The following TMPRSS15 variants were observed in gnomAD, a reference collection of about 807,000 sequenced individuals.
TMPRSS15 encodes the protein transmembrane serine protease 15.
TMPRSS15 carries 128 observed loss-of-function variants against 125.3 expected under a neutral mutation model. The observed-to-expected ratio is 1.02, with a 90% CI of 0.89 to 1.18. The LOEUF is 1.18. Among genes scored for constraint, TMPRSS15 ranks in the 50% most tolerant of loss-of-function variants. The pLI is 0.00. For missense variants in TMPRSS15, 1,283 were observed against 1,212.7 expected, an observed-to-expected ratio of 1.06 and a Z score of -0.86; for synonymous variants, 446 against 423.2, an observed-to-expected ratio of 1.05 and a Z score of -0.66.
chr21:18,484,734 G>A (rs1979047026), intron 1 of TMPRSS15, among the ~76,000 whole-genome samples: 1 of 151,700 alleles, frequency 6.6e-6, no homozygotes, highest in Non-Finnish European at 1.5e-5. Context: ...ATATATGGGT[G>A]AATCTGTTTC....
chr21:18,442,773 T>G (rs2076245358), intron 1 of TMPRSS15, among the ~76,000 whole-genome samples: 1 of 152,232 alleles, frequency 6.6e-6, no homozygotes, highest in Non-Finnish European at 1.5e-5. Context: ...CCTCAAACTT[T>G]TATTATGATG....
intron 21 of TMPRSS15, among the ~76,000 whole-genome samples, chr21:18,288,619 C>T (rs913874030): frequency 7.2e-6 from 1 of 139,636 alleles, no homozygotes; most frequent in Non-Finnish European, 1.5e-5. Context: ...CGGCTCACCA[C>T]AACCTTCGCC....
At chr21:18,463,526 G>T (rs576051225) in intron 1 of TMPRSS15, among the ~76,000 whole-genome samples, 2 of 151,810 alleles carry the variant, frequency 1.3e-5, no homozygotes, top group African/African-American at 2.4e-5. Flanking sequence ...CCCCACTGTC[G>T]CTATTAGAGA....
intron 16 of TMPRSS15, among the ~76,000 whole-genome samples, chr21:18,319,666 T>C (rs1047459446): frequency 1.3e-5 from 2 of 152,168 alleles, no homozygotes; most frequent in Non-Finnish European, 2.9e-5. Flanking sequence ...CGACCTCAGG[T>C]GATCTGGCCG....
intron 21 of TMPRSS15, among the ~76,000 whole-genome samples, chr21:18,282,511 CATCT>C (rs1221544157): frequency 2.6e-5 from 4 of 152,156 alleles, no homozygotes; most frequent in Non-Finnish European, 4.4e-5. Flanking sequence ...AAGTTACTTA[CATCT>C]ATCTATCACT....
chr21:18,378,324 T>A (rs971249738), intron 5 of TMPRSS15, among the ~76,000 whole-genome samples: 2 of 151,348 alleles, frequency 1.3e-5, no homozygotes, highest in South Asian at 4.1e-4. Context: ...CTTTCTTTTG[T>A]TTTTTGTCAA....
chr21:18,282,779 T>C (rs1197111359), intron 21 of TMPRSS15, among the ~76,000 whole-genome samples: 1 of 152,144 alleles, frequency 6.6e-6, no homozygotes, highest in East Asian at 1.9e-4. Flanking sequence ...ATCTAAATGG[T>C]AGGAGGTGAC....
chr21:18,473,808 AT>A (rs752730220), intron 1 of TMPRSS15, among the ~76,000 whole-genome samples: 1 of 151,968 alleles, frequency 6.6e-6, no homozygotes, highest in South Asian at 2.1e-4. Flanking sequence ...AAGTAAGGAG[AT>A]TTTTTAAAAA....
intron 1 of TMPRSS15, among the ~76,000 whole-genome samples, chr21:18,474,419 T>C (rs1464874322): frequency 6.6e-6 from 1 of 152,044 alleles, no homozygotes; most frequent in Non-Finnish European, 1.5e-5. Context: ...GTCTCCCAAG[T>C]AGCTGGGATT....
chr21:18,337,935 G>C (rs2075408230), intron 13 of TMPRSS15, among the ~76,000 whole-genome samples: 1 of 152,192 alleles, frequency 6.6e-6, no homozygotes, highest in Admixed American at 6.5e-5. Context: ...TTGTCTTGAA[G>C]TGAACCATTT....
At chr21:18,378,609 T>C (rs1270799692) in intron 5 of TMPRSS15, among the ~76,000 whole-genome samples, 17 of 152,154 alleles carry the variant, frequency 1.1e-4, no homozygotes, top group Admixed American at 8.5e-4. Flanking sequence ...ATGGTAGTGA[T>C]ATTGTTGGGA....
chr21:18,427,727 AG>A (rs2076206352), intron 1 of TMPRSS15, among the ~76,000 whole-genome samples: 1 of 152,236 alleles, frequency 6.6e-6, no homozygotes, highest in Admixed American at 6.5e-5. Context: ...TACCTTTTAG[AG>A]AAAAAAACAC....
chr21:18,359,404 T>C (rs1423995822), intron 8 of TMPRSS15, among the ~76,000 whole-genome samples: 1 of 152,054 alleles, frequency 6.6e-6, no homozygotes, highest in East Asian at 1.9e-4. Flanking sequence ...ACCTACGCAA[T>C]GCAGAGAAAA....
chr21:18,347,385 C>A (rs946664489), intron 10 of TMPRSS15, among the ~76,000 whole-genome samples: 14 of 152,076 alleles, frequency 9.2e-5, no homozygotes, highest in African/African-American at 3.4e-4. Flanking sequence ...TACAGGCTCA[C>A]GCCACCATGG....
Position 18,372,280 on chromosome 21 carries a change from C to T in TMPRSS15, c.577G>A (p.Asp193Asn). The change falls in exon 6 of 25, where the codon GAT becomes AAT. Residue 193 changes from aspartate to asparagine, a missense_variant. Asp to Asn is a conservative substitution (Grantham distance 23). Coordinates refer to ENST00000284885, the MANE Select transcript of TMPRSS15 (RefSeq NM_002772.3). ...TCAGCTTTTATACACGTTAGAGCATCAGTACAAGGACTTGAACCAGGCAGG... is the reference window on the plus strand; with the variant it reads ...TCAGCTTTTATACACGTTAGAGCATTAGTACAAGGACTTGAACCAGGCAGG... ...ECLPGSSPCT[D>N]ALTCIKADLF... 6.2e-7 allele frequency: 1 copy of T among 1,613,350 alleles called. No homozygotes were observed. Among genetic ancestry groups the T allele is most frequent in the Middle Eastern group, 1.7e-4 (1 of 6,054 alleles).
chr21:18,435,632 G>A (rs1483091957), intron 1 of TMPRSS15, among the ~76,000 whole-genome samples: 2 of 152,178 alleles, frequency 1.3e-5, no homozygotes, highest in African/African-American at 4.8e-5. Context: ...GTATCAGGAT[G>A]ATGCTGGCCT....
At chr21:18,331,815 TATA>T (rs2075348025) in intron 14 of TMPRSS15, among the ~76,000 whole-genome samples, 1 of 152,198 alleles carries the variant, frequency 6.6e-6, no homozygotes, top group African/African-American at 2.4e-5. Context: ...AATTTGGAAT[TATA>T]ATAATGACAC....
chr21:18,332,416 C>A (rs1198868498), intron 13 of TMPRSS15, among the ~76,000 whole-genome samples: 1 of 152,040 alleles, frequency 6.6e-6, no homozygotes, highest in Non-Finnish European at 1.5e-5. Context: ...GCATGTATGT[C>A]ACCTTTTGAA....
chr21:18,317,743 C>A (rs903030142), intron 16 of TMPRSS15, among the ~76,000 whole-genome samples: 1 of 151,242 alleles, frequency 6.6e-6, no homozygotes, highest in South Asian at 2.1e-4. Context: ...TGCTTTTACT[C>A]TGTTCTATTA....
Sources: allele counts gnomAD v4.1 joint callset (sites outside exome capture counted in the v4.1 genomes callset), GRCh38; gene constraint gnomAD v4.1.1; transcripts MANE v1.5; gene names NCBI Gene and HGNC (gene_info 2026-07-23, HGNC 2026-07-21).